The following CACNA2D2 variants were observed in gnomAD, a reference collection of about 807,000 sequenced individuals.
CACNA2D2 encodes calcium voltage-gated channel auxiliary subunit alpha2delta 2, also known as voltage-dependent calcium channel subunit alpha-2/delta-2.
CACNA2D2 carries 48 observed loss-of-function variants against 166.4 expected under a neutral mutation model. The observed-to-expected ratio is 0.29, with a 90% CI of 0.23 to 0.37. CACNA2D2 has a LOEUF of 0.37. CACNA2D2 is among the 10% of genes least tolerant of loss of function. The pLI is 1.00. For synonymous variants in CACNA2D2, 561 were observed against 573.7 expected, an observed-to-expected ratio of 0.98 and a Z score of 0.32; for missense variants, 1,122 against 1,433.0, an observed-to-expected ratio of 0.78 and a Z score of 3.50.
Position 50,449,907 on chromosome 3 carries a change from C to G in CACNA2D2, c.289-15478G>C, listed in dbSNP as rs1382643734. On this transcript the variant is annotated intron_variant, in intron 2 of 37. Transcript: ENST00000424201. ...TCACCCATGAAGTGGAGCTGCTTCTCCCACACAATGACAGGACTGTCACCA... is the reference window on the plus strand; with the variant it reads ...TCACCCATGAAGTGGAGCTGCTTCTGCCACACAATGACAGGACTGTCACCA... Among the ~76,000 whole-genome samples, 4 of 152,286 alleles carry G rather than the reference C, an allele frequency of 2.6e-5. No individual in the cohort carries two copies. In the East Asian group the frequency reaches 7.7e-4, roughly 29 times the overall value.
chr3:50,379,615 T>C lies in CACNA2D2; in HGVS notation c.994-25A>G. The C allele has an allele frequency of 6.2e-7, 1 of 1,613,138 alleles. No homozygotes were observed. Among genetic ancestry groups the C allele is most frequent in the Non-Finnish European group, 8.5e-7 (1 of 1,179,510 alleles). ...ACTGCAGGAACAGTAGGGTGGTGAGTGGCCTCAGGCTGGCCGGGGTAGGCA... is the reference window on the plus strand; with the variant it reads ...ACTGCAGGAACAGTAGGGTGGTGAGCGGCCTCAGGCTGGCCGGGGTAGGCA... On this transcript the variant is annotated intron_variant, in intron 10 of 37. Transcript: ENST00000424201. The surrounding 1 kb of genome is among the most constrained non-coding windows in gnomAD (Gnocchi z 6.5).
At chr3:50,390,942 C>T (rs1162872189) in intron 4 of CACNA2D2, among the ~76,000 whole-genome samples, 6 of 152,366 alleles carry the variant, frequency 3.9e-5, no homozygotes, top group Admixed American at 1.3e-4. Flanking sequence ...GCCAGCCACC[C>T]GCTGCACCAG....
At chr3:50,374,711 G>A in intron 22 of CACNA2D2, 26 bp downstream of exon 22, 2 of 1,574,210 alleles carry the variant, frequency 1.3e-6, no homozygotes, top group East Asian at 4.7e-5. Context: ...AGGGTGCAGG[G>A]CGCAGGCAGG....
chr3:50,489,857 C>G (rs1698451444), intron 1 of CACNA2D2, among the ~76,000 whole-genome samples: 1 of 152,180 alleles, frequency 6.6e-6, no homozygotes, highest in Non-Finnish European at 1.5e-5. Context: ...CCCTTGGATG[C>G]TGCTTGGAGC....
chr3:50,491,511 C>T (rs1377356903), intron 1 of CACNA2D2, among the ~76,000 whole-genome samples: 2 of 152,180 alleles, frequency 1.3e-5, no homozygotes, highest in Admixed American at 6.5e-5. Flanking sequence ...GCTCTGCCCA[C>T]GTACTGCTAG....
At chr3:50,407,367 T>G (rs1433728264) in intron 3 of CACNA2D2, among the ~76,000 whole-genome samples, 1 of 152,094 alleles carries the variant, frequency 6.6e-6, no homozygotes. Context: ...CAAATTAGAC[T>G]TCCTAGGCCT....
intron 3 of CACNA2D2, among the ~76,000 whole-genome samples, chr3:50,432,550 T>A (rs1708121328): frequency 6.6e-6 from 1 of 152,142 alleles, no homozygotes; most frequent in African/African-American, 2.4e-5. Context: ...GAGAAGGGCA[T>A]CCAGGCACGC....
intron 3 of CACNA2D2, among the ~76,000 whole-genome samples, chr3:50,432,278 C>T (rs1708107684): frequency 6.6e-6 from 1 of 152,228 alleles, no homozygotes; most frequent in South Asian, 2.1e-4. Flanking sequence ...GGGCCCTGGG[C>T]TCCACGCATG....
chr3:50,390,244 C>G (rs587674926), intron 4 of CACNA2D2, among the ~76,000 whole-genome samples: 36 of 152,318 alleles, frequency 2.4e-4, no homozygotes, highest in African/African-American at 8.4e-4. Flanking sequence ...AAGGACCCAG[C>G]CTACTGGCTT....
intron 23 of CACNA2D2, among the ~76,000 whole-genome samples, chr3:50,368,608 T>C (rs1356596128): frequency 6.6e-6 from 1 of 152,202 alleles, no homozygotes; most frequent in Non-Finnish European, 1.5e-5. Context: ...GGGCACCAGA[T>C]GGGACCCAAG....
chr3:50,497,344 C>G (rs1698765291), intron 1 of CACNA2D2, among the ~76,000 whole-genome samples: 1 of 152,238 alleles, frequency 6.6e-6, no homozygotes, highest in African/African-American at 2.4e-5. Context: ...TTAGGCTGGG[C>G]TTGCCCTTGA....
chr3:50,394,028 G>A, intron 4 of CACNA2D2, 81 bp downstream of exon 4: 1 of 1,281,662 alleles, frequency 7.8e-7, no homozygotes, highest in East Asian at 2.3e-5. Flanking sequence ...CATGTGTCTG[G>A]GCAGCTCCCA....
intron 1 of CACNA2D2, among the ~76,000 whole-genome samples, chr3:50,497,554 G>A (rs973231635): frequency 1.3e-5 from 2 of 152,254 alleles, no homozygotes; most frequent in African/African-American, 4.8e-5. Flanking sequence ...CAGGTGAGAG[G>A]AGCGGGACCA....
In CACNA2D2 at chr3:50,435,134, GGT is replaced by G. The variant is rs58208345; in HGVS notation, c.289-707_289-706del. Among the ~76,000 whole-genome samples, 67 of 149,702 alleles carry G rather than the reference GGT, an allele frequency of 4.5e-4. No homozygotes were observed. The South Asian group carries it at 0.012, about 27-fold the overall frequency. On this transcript the variant is annotated intron_variant, in intron 2 of 37. Transcript: ENST00000424201. ...GTGCATGTGGCAGTGTAAATCTGAG[GGT>G]GTGTGTGTGTGTGTGTGTGAGGGCT...
At chr3:50,412,113 G>A (rs1322620046) in intron 3 of CACNA2D2, among the ~76,000 whole-genome samples, 1 of 152,246 alleles carries the variant, frequency 6.6e-6, no homozygotes, top group Non-Finnish European at 1.5e-5. Context: ...TCTGCAGGCT[G>A]CTCACCTCGG....
chr3:50,375,605 C>T lies in CACNA2D2; in HGVS notation c.1907+39G>A. 6.2e-7 allele frequency: 1 copy of T among 1,604,434 alleles called. No individual in the cohort carries two copies. Among genetic ancestry groups the T allele is most frequent in the Non-Finnish European group, 8.5e-7 (1 of 1,174,164 alleles). On this transcript the variant is annotated intron_variant, in intron 21 of 37. Transcript: ENST00000424201. The surrounding 1 kb of genome is among the most constrained non-coding windows in gnomAD (Gnocchi z 4.0). ...CAGCTGGGCTCAGATTCTGGGGCCACCCCACCCTCTCTGCCCGCCCAGCCC... is the reference window on the plus strand; with the variant it reads ...CAGCTGGGCTCAGATTCTGGGGCCATCCCACCCTCTCTGCCCGCCCAGCCC...
At chr3:50,418,058 G>A (rs1383812144) in intron 3 of CACNA2D2, among the ~76,000 whole-genome samples, 1 of 152,114 alleles carries the variant, frequency 6.6e-6, no homozygotes, top group Admixed American at 6.5e-5. Flanking sequence ...GGAGGTGGTG[G>A]CAGTGCTGTG....
chr3:50,501,079 A>G (rs1698943149), intron 1 of CACNA2D2, among the ~76,000 whole-genome samples: 1 of 152,122 alleles, frequency 6.6e-6, no homozygotes, highest in African/African-American at 2.4e-5. Flanking sequence ...CACCTGTATC[A>G]AAGTGTCATC....
rs587689716 is a variant in CACNA2D2, at chr3:50,363,304, A to ACGAAGC, written c.*1356_*1361dup. 841 of 398,726 alleles carry ACGAAGC rather than the reference A, an allele frequency of 2.1e-3. 7 individuals carry two copies. The highest frequency in any genetic ancestry group is 0.017 in the East Asian group (482 of 28,072). 24.7% of individuals were successfully genotyped at this position (398,726 alleles called of 1,614,324 possible). ...GCGACAAGCAACATGACATTAATTAACGAAGCCATTAATTAATGCATCACC... is the reference window on the plus strand; with the variant it reads ...GCGACAAGCAACATGACATTAATTAACGAAGCCGAAGCCATTAATTAATGCATCACC... On this transcript the variant is annotated 3_prime_UTR_variant, in exon 38 of 38. Coordinates refer to ENST00000424201, the MANE Select transcript of CACNA2D2 (RefSeq NM_006030.4).
Sources: allele counts gnomAD v4.1 joint callset (sites outside exome capture counted in the v4.1 genomes callset), GRCh38; gene constraint gnomAD v4.1.1; non-coding constraint Gnocchi (gnomAD v3.1); transcripts MANE v1.5; gene names NCBI Gene and HGNC (gene_info 2026-07-23, HGNC 2026-07-21).